Variants in AFG2B observed in about 807,000 individuals in gnomAD.
AFG2B encodes ATPase family gene 2 protein homolog B.
the AFG2B span, chr15:45,403,523 A>T: frequency 9.4e-6 from 15 of 1,601,894 alleles, no homozygotes; most frequent in Non-Finnish European, 1.3e-5. Context: ...CGAGAGGTGA[A>T]TGGGCTTGGC....
the AFG2B span, chr15:45,414,666 T>TA: frequency 6.2e-7 from 1 of 1,614,194 alleles, no homozygotes; most frequent in Non-Finnish European, 8.5e-7. Context: ...CTGGATGTGC[T>TA]AAAACCACTC....
chr15:45,407,029 TTCCAGG>T, the AFG2B span: 1 of 1,289,198 alleles, frequency 7.8e-7, no homozygotes, highest in Non-Finnish European at 1.0e-6. Flanking sequence ...TGCTTTGAAG[TTCCAGG>T]TTTGACCATA....
chr15:45,410,035 T>C, the AFG2B span, among the ~76,000 whole-genome samples: 2 of 152,220 alleles, frequency 1.3e-5, no homozygotes, highest in Admixed American at 6.5e-5. Flanking sequence ...ACTGTGTTAG[T>C]TGACATGAAA....
chr15:45,412,136 C>T, the AFG2B span, among the ~76,000 whole-genome samples: 5 of 152,070 alleles, frequency 3.3e-5, no homozygotes, highest in African/African-American at 1.2e-4. Flanking sequence ...GGCGTGGTGG[C>T]TCACACCAGT....
the AFG2B span, among the ~76,000 whole-genome samples, chr15:45,406,722 C>G: frequency 6.6e-6 from 1 of 152,222 alleles, no homozygotes; most frequent in African/African-American, 2.4e-5. Flanking sequence ...TCAAAATTGT[C>G]TTTTCATCTT....
chr15:45,418,593 A>C, the AFG2B span: 6 of 1,613,328 alleles, frequency 3.7e-6, no homozygotes, highest in Admixed American at 1.7e-5. Context: ...TACAAAAACC[A>C]TGCCAATAGG....
the AFG2B span, chr15:45,403,125 G>A: frequency 6.7e-7 from 1 of 1,489,292 alleles, no homozygotes; most frequent in Non-Finnish European, 8.9e-7. Context: ...TGGGCTTAGC[G>A]GTGCCTCGCG....
the AFG2B span, chr15:45,414,666 T>C: frequency 1.2e-6 from 2 of 1,614,194 alleles, no homozygotes; most frequent in Middle Eastern, 3.3e-4. Context: ...CTGGATGTGC[T>C]AAAACCACTC....
At chr15:45,421,234 G>T in the AFG2B span, 1 of 1,513,246 alleles carries the variant, frequency 6.6e-7, no homozygotes, top group African/African-American at 1.4e-5. Flanking sequence ...CTCTTGTTCA[G>T]TTCACATTAA....
the AFG2B span, among the ~76,000 whole-genome samples, chr15:45,419,897 G>A: frequency 8.6e-5 from 13 of 151,034 alleles, no homozygotes; most frequent in Non-Finnish European, 1.6e-4. Context: ...AGGCTGAGGT[G>A]GGAGGATCAC....
the AFG2B span, among the ~76,000 whole-genome samples, chr15:45,409,253 A>C: frequency 6.6e-6 from 1 of 151,530 alleles, no homozygotes; most frequent in Non-Finnish European, 1.5e-5. Context: ...GCTCATGCCT[A>C]TAAATCCCAG....
the AFG2B span, chr15:45,417,138 CG>C: frequency 9.3e-7 from 1 of 1,079,044 alleles, no homozygotes; most frequent in Non-Finnish European, 1.3e-6. Context: ...GTCTGGAAAG[CG>C]GATATAAGCA....
At chr15:45,415,712 C>A in the AFG2B span, 1 of 1,613,956 alleles carries the variant, frequency 6.2e-7, no homozygotes, top group African/African-American at 1.3e-5. Context: ...TTTCTGTTCT[C>A]CTGAATGAAT....
the AFG2B span, chr15:45,421,412 G>T: frequency 2.9e-6 from 1 of 342,068 alleles, no homozygotes; most frequent in Non-Finnish European, 5.2e-6. Context: ...CTGTAATTTA[G>T]GAAGAAAGTG....
At chr15:45,413,064 A>AT in the AFG2B span, among the ~76,000 whole-genome samples, 2 of 152,182 alleles carry the variant, frequency 1.3e-5, no homozygotes, top group African/African-American at 4.8e-5. Flanking sequence ...TTTTTTATGC[A>AT]TTGTCTCATT....
chr15:45,414,851 T>TTA, the AFG2B span: 3 of 1,318,212 alleles, frequency 2.3e-6, no homozygotes, highest in South Asian at 4.0e-5. Flanking sequence ...ACAAACCTTT[T>TTA]TAAAAATATT....
the AFG2B span, chr15:45,415,458 A>C: frequency 1.3e-6 from 1 of 767,610 alleles, no homozygotes; most frequent in Non-Finnish European, 2.0e-6. Context: ...AAATCGCATC[A>C]CTACACTCCA....
chr15:45,410,995 A>G, the AFG2B span, among the ~76,000 whole-genome samples: 1 of 152,182 alleles, frequency 6.6e-6, no homozygotes, highest in Non-Finnish European at 1.5e-5. Flanking sequence ...TGAGGTCAGG[A>G]GTTCAAGACC....
chr15:45,417,419 C>T, the AFG2B span: 1 of 1,612,746 alleles, frequency 6.2e-7, no homozygotes, highest in African/African-American at 1.3e-5. Context: ...TACACATTTA[C>T]TCTGTGTGAG....
Sources: allele counts gnomAD v4.1 joint callset (sites outside exome capture counted in the v4.1 genomes callset), GRCh38; gene constraint gnomAD v4.1.1; transcripts MANE v1.5; gene names NCBI Gene and HGNC (gene_info 2026-07-23, HGNC 2026-07-21).